Variants in YWHAE observed in about 807,000 individuals in gnomAD.
YWHAE encodes tyrosine 3-monooxygenase/tryptophan 5-monooxygenase activation protein epsilon, also known as 14-3-3 protein epsilon.
Under a neutral mutation model 30.1 loss-of-function variants are expected in YWHAE, and 4 were observed. That is an observed-to-expected ratio of 0.13 (90% confidence interval 0.07 to 0.30). The LOEUF (loss-of-function observed/expected upper bound fraction) is 0.30. Ranked by LOEUF, YWHAE falls within the 10% of genes least tolerant of loss-of-function variation. The pLI is 1.00. For missense variants in YWHAE, 121 were observed against 315.9 expected (o/e 0.38, Z 4.68); for synonymous variants, 118 against 111.8 (o/e 1.06, Z -0.35).
chr17:1,357,899 C>A (rs1372282218), intron 4 of YWHAE, among the ~76,000 whole-genome samples: 6 of 150,862 alleles, frequency 4.0e-5, no homozygotes, highest in Admixed American at 2.7e-4. Context: ...TGCACTCCAG[C>A]CTGGGAAACA....
At chr17:1,359,157 A>G (rs765419791) in intron 4 of YWHAE, among the ~76,000 whole-genome samples, 21 of 151,992 alleles carry the variant, frequency 1.4e-4, no homozygotes, top group Non-Finnish European at 2.6e-4. Context: ...AAAAGAAAAA[A>G]AAAAGGAAAA....
At chr17:1,380,890 G>T (rs930346727) in intron 1 of YWHAE, among the ~76,000 whole-genome samples, 1 of 151,940 alleles carries the variant, frequency 6.6e-6, no homozygotes, top group South Asian at 2.1e-4. Flanking sequence ...AGTTTTCCCC[G>T]ACAACTGCAG....
intron 1 of YWHAE, among the ~76,000 whole-genome samples, chr17:1,371,435 T>TA (rs1046968257): frequency 1.4e-4 from 21 of 151,890 alleles, no homozygotes; most frequent in African/African-American, 2.2e-4. Flanking sequence ...TTTTTTTTTT[T>TA]CTGAGTACCA....
chr17:1,386,959 GA>G (rs11357704), intron 1 of YWHAE, among the ~76,000 whole-genome samples: 88,861 of 142,042 alleles, frequency 0.63, 29,079 homozygotes, highest in African/African-American at 0.87. Flanking sequence ...GTCTCAAAAG[GA>G]AAAAAAAAAA....
intron 1 of YWHAE, among the ~76,000 whole-genome samples, chr17:1,386,917 G>A (rs910097685): frequency 6.6e-6 from 1 of 151,330 alleles, no homozygotes; most frequent in Non-Finnish European, 1.5e-5. Context: ...TCGCGCCATT[G>A]CACTCCAGTC....
chr17:1,381,598 C>G (rs977641648), intron 1 of YWHAE, among the ~76,000 whole-genome samples: 1 of 151,882 alleles, frequency 6.6e-6, no homozygotes, highest in African/African-American at 2.4e-5. Flanking sequence ...TTCAAACTAT[C>G]AACTAATCAA....
chr17:1,356,903 G>T (rs1483632500), intron 4 of YWHAE, among the ~76,000 whole-genome samples: 1 of 151,170 alleles, frequency 6.6e-6, no homozygotes, highest in Admixed American at 6.6e-5. Flanking sequence ...CTCAAACTTT[G>T]AAAGGCTTTC....
At chr17:1,370,319 G>C (rs1310682385) in intron 1 of YWHAE, among the ~76,000 whole-genome samples, 1 of 151,554 alleles carries the variant, frequency 6.6e-6, no homozygotes, top group Non-Finnish European at 1.5e-5. Context: ...TTTTAGTAGA[G>C]GCGGGGTTTC....
chr17:1,354,252 C>T lies in YWHAE; in HGVS notation c.674G>A (p.Arg225His). 1 of 1,614,090 alleles carries T rather than the reference C, an allele frequency of 6.2e-7. No individual in the cohort carries two copies. The highest frequency in any genetic ancestry group is 8.5e-7 in the Non-Finnish European group (1 of 1,179,982). Residue 225 changes from arginine to histidine, a missense_variant, in exon 5 of 6, where the codon CGT (arginine) becomes CAT (histidine). This residue lies in a region of YWHAE where 99 missense variants were observed against 289.3 expected (regional missense o/e 0.34). Coordinates refer to ENST00000264335, the MANE Select transcript of YWHAE (RefSeq NM_006761.5). ...TGAAGTCCATAGTGTCAGATTATCA[C>T]GTAACAACTGCATGATAAGTGTAGA... is the stretch of plus-strand genomic sequence containing the variant. ...KDSTLIMQLLRDNLTLWTSDM... is the reference protein window; with the variant it reads ...KDSTLIMQLLHDNLTLWTSDM...
At chr17:1,389,492 G>T (rs1279638466) in intron 1 of YWHAE, among the ~76,000 whole-genome samples, 4 of 151,672 alleles carry the variant, frequency 2.6e-5, no homozygotes, top group Non-Finnish European at 5.9e-5. Context: ...AATCTGAGAT[G>T]GCTAAAATGC....
intron 2 of YWHAE, among the ~76,000 whole-genome samples, chr17:1,364,261 C>T (rs1162303845): frequency 2.7e-5 from 4 of 149,748 alleles, no homozygotes; most frequent in Non-Finnish European, 5.9e-5. Context: ...GTCTCGCGCT[C>T]TGTCACCCAG....
chr17:1,346,213 G>C (rs1176430515), intron 5 of YWHAE, among the ~76,000 whole-genome samples: 1 of 152,148 alleles, frequency 6.6e-6, no homozygotes, highest in Admixed American at 6.5e-5. Context: ...ACATGCAACA[G>C]AAAGCCACCT....
intron 1 of YWHAE, among the ~76,000 whole-genome samples, chr17:1,380,177 G>A (rs761508556): frequency 6.1e-5 from 9 of 147,194 alleles, no homozygotes; most frequent in Non-Finnish European, 1.0e-4. Context: ...GCACTGGCAC[G>A]ATCTCGGCTC....
chr17:1,392,921 G>C (rs1362014548), intron 1 of YWHAE, among the ~76,000 whole-genome samples: 12 of 151,752 alleles, frequency 7.9e-5, no homozygotes, highest in Non-Finnish European at 2.9e-5. Context: ...AGACAAAGGT[G>C]GCCGGGGGTG....
intron 1 of YWHAE, among the ~76,000 whole-genome samples, chr17:1,365,906 G>C (rs2072934782): frequency 1.3e-5 from 2 of 151,946 alleles, no homozygotes; most frequent in Non-Finnish European, 2.9e-5. Flanking sequence ...TCAGGAGTTC[G>C]AGACCCTGTC....
At chr17:1,375,211 T>A (rs928423818) in intron 1 of YWHAE, among the ~76,000 whole-genome samples, 2 of 152,192 alleles carry the variant, frequency 1.3e-5, no homozygotes, top group Non-Finnish European at 2.9e-5. Context: ...ACTGTCATCT[T>A]TATCCTTTTA....
At chr17:1,397,629 C>T (rs2073494467) in intron 1 of YWHAE, among the ~76,000 whole-genome samples, 1 of 152,092 alleles carries the variant, frequency 6.6e-6, no homozygotes, top group Admixed American at 6.6e-5. Flanking sequence ...GAAATCCTGC[C>T]AATACACTGT....
chr17:1,380,428 T>C (rs1368674591), intron 1 of YWHAE, among the ~76,000 whole-genome samples: 2 of 152,190 alleles, frequency 1.3e-5, no homozygotes, highest in African/African-American at 2.4e-5. Context: ...TGCTTATTCA[T>C]ATGCTATTTG....
intron 1 of YWHAE, among the ~76,000 whole-genome samples, chr17:1,376,358 AAGAC>A (rs67056665): frequency 0.35 from 52,329 of 151,430 alleles, 9,398 homozygotes; most frequent in Admixed American, 0.51. Flanking sequence ...AAAGACAAGA[AAGAC>A]AGACAGACAG....
Sources: allele counts gnomAD v4.1 joint callset (sites outside exome capture counted in the v4.1 genomes callset), GRCh38; gene constraint gnomAD v4.1.1; regional missense constraint gnomAD v4.1.1; transcripts MANE v1.5; gene names NCBI Gene and HGNC (gene_info 2026-07-23, HGNC 2026-07-21).